The following CHD7 variants were observed in gnomAD, a reference collection of about 807,000 sequenced individuals.
CHD7 encodes ATP-dependent chromatin remodeler CHD7.
A neutral mutation model predicts 307.3 loss-of-function variants in CHD7; 24 were observed. The ratio of observed to expected loss-of-function variants is 0.08; its 90% CI spans 0.06 to 0.11. The LOEUF (loss-of-function observed/expected upper bound fraction) is 0.11, where lower values mean the gene tolerates loss of function less well. CHD7 is among the 10% of genes least tolerant of loss of function. The pLI is 1.00. For synonymous variants in CHD7, 1,363 were observed against 1,349.9 expected (o/e 1.01, Z -0.21); for missense variants, 3,106 against 3,727.1 (o/e 0.83, Z 4.34).
chr8:60,824,847 A>G (rs147514427), intron 13 of CHD7: 1 of 152,268 alleles, frequency 6.6e-6, no homozygotes, highest in East Asian at 1.9e-4. Context: ...TCGTAGGAGT[A>G]GAAGGATTTG....
At chr8:60,848,039 AG>A (rs775559766) in intron 23 of CHD7, among the ~76,000 whole-genome samples, 96 of 152,236 alleles carry the variant, frequency 6.3e-4, no homozygotes, top group Admixed American at 2.6e-4. Context: ...ATTGTAAGGT[AG>A]TAAAACCAGA....
intron 1 of CHD7, among the ~76,000 whole-genome samples, chr8:60,722,382 T>C (rs562262452): frequency 1.8e-4 from 27 of 152,344 alleles, no homozygotes; most frequent in Admixed American, 1.8e-3. Context: ...GGATTTCTTT[T>C]GCCATGCTTA....
At chr8:60,796,727 A>C (rs979156100) in intron 4 of CHD7, among the ~76,000 whole-genome samples, 1 of 152,144 alleles carries the variant, frequency 6.6e-6, no homozygotes. Context: ...TACGTGTTCA[A>C]TAGCTAATAT....
chr8:60,820,018 G>A lies in CHD7; in HGVS notation c.2625G>A (p.Glu875=), dbSNP rs2150745168. 1.9e-6 allele frequency: 3 copies of A among 1,582,916 alleles called. No homozygotes were observed. The highest frequency in any genetic ancestry group is 2.6e-6 in the Non-Finnish European group (3 of 1,164,944). Reference sequence around the variant, plus strand: ...TCCCTTTGGTGTAGATTGAGGATGAGCTTTTTAATCCAGATTATGTGGAGG... The same window carrying A: ...TCCCTTTGGTGTAGATTGAGGATGAACTTTTTAATCCAGATTATGTGGAGG... ...QNKFLSEIED[E]LFNPDYVEVD... is the part of the protein sequence containing the mutation. The change falls in exon 9 of 38, where the codon GAG becomes GAA. Residue 875 remains glutamate (E), a synonymous_variant. Coordinates refer to ENST00000423902, the MANE Select transcript of CHD7 (RefSeq NM_017780.4).
intron 6 of CHD7, among the ~76,000 whole-genome samples, chr8:60,804,153 T>C (rs1390892206): frequency 6.6e-6 from 1 of 152,244 alleles, no homozygotes; most frequent in Non-Finnish European, 1.5e-5. Flanking sequence ...ATTTATGTTG[T>C]TCTAAACCCA....
In CHD7 at chr8:60,741,749, A is replaced by G. The variant is rs988747837; in HGVS notation, c.317A>G (p.His106Arg). ...NGLASPHSQY[H>R]TPPVPQVPHG... ...CTCGCGTCTCCGCACTCGCAGTATC[A>G]CACCCCTCCCGTTCCTCAGGTGCCC... Residue 106 changes from histidine (H) to arginine (R), a missense_variant, in exon 2 of 38, where the codon CAC (histidine) becomes CGC (arginine). Physicochemically the swap from His to Arg is conservative, Grantham distance 29 (BLOSUM62 0). Coordinates refer to ENST00000423902, the MANE Select transcript of CHD7 (RefSeq NM_017780.4). The G allele has an allele frequency of 6.8e-6, 11 of 1,613,904 alleles. No homozygotes were observed. Among genetic ancestry groups the G allele is most frequent in the Non-Finnish European group, 8.5e-6 (10 of 1,179,844 alleles).
intron 35 of CHD7, 67 bp downstream of exon 35, chr8:60,861,192 A>G: frequency 1.6e-6 from 2 of 1,227,890 alleles, no homozygotes; most frequent in Non-Finnish European, 2.3e-6. Context: ...CCCTTACAAC[A>G]TAGAAATCCC....
intron 1 of CHD7, among the ~76,000 whole-genome samples, chr8:60,734,384 C>T (rs1265480154): frequency 6.6e-6 from 1 of 152,180 alleles, no homozygotes; most frequent in Non-Finnish European, 1.5e-5. Context: ...CTTCACATGG[C>T]AAGGCTCCAG....
chr8:60,842,509 T>C (rs558828927), intron 21 of CHD7, among the ~76,000 whole-genome samples: 1 of 152,220 alleles, frequency 6.6e-6, no homozygotes, highest in Non-Finnish European at 1.5e-5. Flanking sequence ...ATTTGAACTT[T>C]GTGAAAGTGT....
intron 3 of CHD7, among the ~76,000 whole-genome samples, chr8:60,792,789 G>T (rs920180355): frequency 2.6e-5 from 4 of 152,194 alleles, no homozygotes; most frequent in Non-Finnish European, 5.9e-5. Flanking sequence ...CATCGCTCTG[G>T]TATAGAGAGG....
At chr8:60,836,457 A>G (rs1804744998) in intron 16 of CHD7, among the ~76,000 whole-genome samples, 174 bp downstream of exon 16, 1 of 152,222 alleles carries the variant, frequency 6.6e-6, no homozygotes. Context: ...TATGATGACT[A>G]CAGGAGGACA....
intron 1 of CHD7, among the ~76,000 whole-genome samples, chr8:60,703,131 ACT>A (rs1317442908): frequency 2.6e-5 from 4 of 151,978 alleles, no homozygotes; most frequent in African/African-American, 9.7e-5. Context: ...AATGTACGTC[ACT>A]CTCTCTTTCT....
intron 4 of CHD7, among the ~76,000 whole-genome samples, chr8:60,798,537 T>C (rs549581495): frequency 1.4e-4 from 22 of 152,288 alleles, no homozygotes; most frequent in Non-Finnish European, 3.1e-4. Flanking sequence ...TCCCACTCTT[T>C]GGGGAAAAGT....
At chr8:60,775,851 G>A (rs1203543229) in intron 2 of CHD7, among the ~76,000 whole-genome samples, 3 of 152,120 alleles carry the variant, frequency 2.0e-5, no homozygotes, top group Admixed American at 1.3e-4. Flanking sequence ...TCCAACTCCC[G>A]GGTTCAAGCA....
intron 1 of CHD7, among the ~76,000 whole-genome samples, chr8:60,687,199 G>A (rs1805947350): frequency 6.6e-6 from 1 of 152,190 alleles, no homozygotes; most frequent in Non-Finnish European, 1.5e-5. Flanking sequence ...AGCAGTCATA[G>A]TGAGAAGTCC....
chr8:60,783,871 G>A (rs111844375), intron 3 of CHD7, among the ~76,000 whole-genome samples: 6 of 152,266 alleles, frequency 3.9e-5, no homozygotes, highest in African/African-American at 9.6e-5. Context: ...AGGGTGGTAA[G>A]GACATTCCTG....
At position 60,836,789 on chromosome 8, in the gene CHD7, C is replaced by T. The variant is rs765621713; in HGVS notation, c.3990-28C>T. The T allele has an allele frequency of 1.1e-5, 17 of 1,578,416 alleles. No homozygotes were observed. The African/African-American group carries it at 2.0e-4, about 19-fold the overall frequency. On this transcript the variant is annotated intron_variant, in intron 16 of 37. Coordinates refer to ENST00000423902, the MANE Select transcript of CHD7 (RefSeq NM_017780.4). The stretch of plus-strand genomic sequence containing the variant: ...AAGTATGTTGTCGCTATGCGTCAGG[C>T]CTCCTTGTTCACACTGATGTTTTCT...
chr8:60,678,764 C>CGCGGCGGCGGCGGCCGCG lies in CHD7; in HGVS notation c.-479_-478insCGCGGCGGCGGCGGCGGC, dbSNP rs1805393376. On this transcript the variant is annotated 5_prime_UTR_variant, in exon 1 of 38. Transcript: ENST00000423902. ...CGCGCAGGCGCTGGCGTGCTGGGGC[C>CGCGGCGGCGGCGGCCGCG]GCGGCGGCGGCGGCGGCGGCGGCGG... is the stretch of plus-strand genomic sequence containing the variant. 7.2e-6 allele frequency: 1 copy of CGCGGCGGCGGCGGCCGCG among 138,172 alleles called. No individual in the cohort carries two copies. Among genetic ancestry groups the CGCGGCGGCGGCGGCCGCG allele is most frequent in the Non-Finnish European group, 1.6e-5 (1 of 63,240 alleles). The allele number at this position is 138,172 out of a possible 1,614,324, so 8.6% of individuals were successfully genotyped here.
intron 3 of CHD7, among the ~76,000 whole-genome samples, chr8:60,785,602 A>G (rs1035236066): frequency 6.6e-6 from 1 of 152,196 alleles, no homozygotes; most frequent in Admixed American, 6.5e-5. Flanking sequence ...CCTGAGAAAT[A>G]CTTTTACTCA....
Sources: gnomAD v4.1 joint callset for allele counts (sites outside exome capture counted in the v4.1 genomes callset) on GRCh38, gnomAD v4.1.1 for gene constraint, MANE v1.5 for transcripts, NCBI Gene and HGNC (gene_info 2026-07-23, HGNC 2026-07-21) for gene names.